LYST: variants seen among roughly 807,000 people sequenced by gnomAD.
LYST encodes lysosomal trafficking regulator.
LYST carries 192 observed loss-of-function variants against 413.6 expected under a neutral mutation model. The observed-to-expected ratio is 0.46, with a 90% CI of 0.41 to 0.52. LYST has a LOEUF of 0.52. Among genes scored for constraint, LYST ranks in the 20% least tolerant of loss-of-function variants. The probability of loss-of-function intolerance (pLI) is 0.00; values close to 1 mark genes in which losing one functional copy is unlikely to be tolerated. For synonymous variants in LYST, 1,525 were observed against 1,567.3 expected, an observed-to-expected ratio of 0.97 and a Z score of 0.64; for missense variants, 3,815 against 4,499.9, an observed-to-expected ratio of 0.85 and a Z score of 4.35.
chr1:235,864,204 C>T (rs973441790), intron 1 of LYST, among the ~76,000 whole-genome samples: 3 of 152,076 alleles, frequency 2.0e-5, no homozygotes, highest in Non-Finnish European at 4.4e-5. Context: ...ACTGCAGGGC[C>T]CCACTGCAGA....
At chr1:235,855,854 TC>T (rs1184429506) in intron 1 of LYST, among the ~76,000 whole-genome samples, 2 of 151,968 alleles carry the variant, frequency 1.3e-5, no homozygotes, top group African/African-American at 4.8e-5. Flanking sequence ...AAAATTAGCT[TC>T]CCTTCAAAAG....
intron 12 of LYST, 173 bp downstream of exon 12, chr1:235,791,526 G>A: frequency 1.5e-6 from 1 of 645,290 alleles, no homozygotes; most frequent in East Asian, 2.8e-5. Flanking sequence ...GAGATTCAAG[G>A]CTTTATGACA....
chr1:235,729,951 A>G (rs1664217513), intron 36 of LYST, among the ~76,000 whole-genome samples: 1 of 152,120 alleles, frequency 6.6e-6, no homozygotes, highest in Non-Finnish European at 1.5e-5. Context: ...CTAATAAATA[A>G]GCAAACATTG....
intron 1 of LYST, among the ~76,000 whole-genome samples, chr1:235,857,237 A>G (rs1481071565): frequency 6.6e-6 from 1 of 152,198 alleles, no homozygotes; most frequent in Non-Finnish European, 1.5e-5. Flanking sequence ...ATAAGTAACC[A>G]GAGAAGCTAT....
chr1:235,826,250 A>T (rs1361683932), intron 3 of LYST, among the ~76,000 whole-genome samples: 1 of 152,226 alleles, frequency 6.6e-6, no homozygotes, highest in Non-Finnish European at 1.5e-5. Context: ...TTAAACAAAC[A>T]TTACCCTTTG....
intron 1 of LYST, among the ~76,000 whole-genome samples, chr1:235,840,419 G>A (rs1201178427): frequency 6.6e-6 from 1 of 152,186 alleles, no homozygotes; most frequent in Non-Finnish European, 1.5e-5. Context: ...GGAGGGAGTG[G>A]CTGGCAAAGA....
In LYST at chr1:235,731,043, TGTCTATCCCTAAG is replaced by T; in HGVS notation, c.8923_8935del (p.Leu2975ArgfsTer36). On this transcript the variant is annotated frameshift_variant, in exon 35 of 53. Coordinates refer to ENST00000389793, the MANE Select transcript of LYST (RefSeq NM_000081.4). LOFTEE classifies it high-confidence loss of function. ...GAAGCCACTATTACCTTCTGATTTC[TGTCTATCCCTAAG>T]GAGATACTTATTTGGAATAGTTAAA... 6.2e-7 allele frequency: 1 copy of T among 1,613,586 alleles called. No homozygotes were observed. The highest frequency in any genetic ancestry group is 8.5e-7 in the Non-Finnish European group (1 of 1,179,490).
intron 22 of LYST, 58 bp downstream of exon 22, chr1:235,762,662 T>C: frequency 6.5e-7 from 1 of 1,528,648 alleles, no homozygotes; most frequent in Middle Eastern, 1.7e-4. Context: ...AATTTAATTA[T>C]CTAAGAATAT....
At chr1:235,704,133 C>T (rs1661769957) in intron 44 of LYST, among the ~76,000 whole-genome samples, 1 of 152,182 alleles carries the variant, frequency 6.6e-6, no homozygotes, top group South Asian at 2.1e-4. Context: ...ATATATACCA[C>T]ATTTTCTTTA....
At chr1:235,790,227 G>A (rs1266871513) in intron 12 of LYST, among the ~76,000 whole-genome samples, 3 of 152,144 alleles carry the variant, frequency 2.0e-5, no homozygotes, top group Admixed American at 6.5e-5. Flanking sequence ...ATTAAAACAT[G>A]AGAAAGCAAT....
In LYST at chr1:235,806,080, T is replaced by C; in HGVS notation, c.3056A>G (p.Asn1019Ser). 6.2e-7 allele frequency: 1 copy of C among 1,613,794 alleles called. No homozygotes were observed. Among genetic ancestry groups the C allele is most frequent in the Non-Finnish European group, 8.5e-7 (1 of 1,179,816 alleles). ...AATTCTGTTTAAATCCTGGTTTTCA[T>C]TTACACTTGTATCTCCCTCCTTTTT... ...QGKKEGDTSV[N>S]ENQDLNRISQ... The change falls in exon 6 of 53, where the codon AAT becomes AGT. Residue 1019 changes from asparagine to serine, a missense_variant. By Grantham distance (46) the Asn-to-Ser change is conservative. Transcript: ENST00000389793.
chr1:235,732,208 A>G (rs1385921368), intron 34 of LYST, among the ~76,000 whole-genome samples: 2 of 152,234 alleles, frequency 1.3e-5, no homozygotes, highest in African/African-American at 2.4e-5. Flanking sequence ...AGGTAGATGC[A>G]TTGTAATGTA....
rs752402013 is a variant in LYST at position 235,775,028 on chromosome 1, G to A, written c.5519C>T (p.Ser1840Leu). 16 of 1,611,230 alleles carry A rather than the reference G, an allele frequency of 9.9e-6. No homozygotes were observed. In the East Asian group the frequency reaches 2.5e-4, roughly 25 times the overall value. ...TCTTTGTTGGTTGTATTTAATTAATGAGAGTATAACTCGCAGTGCTAATGC... is the reference window on the plus strand; with the variant it reads ...TCTTTGTTGGTTGTATTTAATTAATAAGAGTATAACTCGCAGTGCTAATGC... ...TQALALRVIL[S>L]LIKYNQQRVH... The change falls in exon 18 of 53, where the codon TCA becomes TTA. Residue 1840 changes from serine to leucine, a missense_variant. This residue lies in a region of LYST where 530 missense variants were observed against 696.5 expected (regional missense o/e 0.76). Transcript: ENST00000389793.
At chr1:235,781,417 T>C (rs879709112) in intron 15 of LYST, among the ~76,000 whole-genome samples, 1 of 152,164 alleles carries the variant, frequency 6.6e-6, no homozygotes, top group Admixed American at 6.5e-5. Context: ...TTTGAATCAA[T>C]ATCTTTATTC....
chr1:235,853,015 C>T (rs1331850293), intron 1 of LYST: 2 of 170,512 alleles, frequency 1.2e-5, no homozygotes, highest in East Asian at 1.9e-4. Context: ...TGTAACTAGA[C>T]GGTTTTCTGT....
At position 235,731,131 on chromosome 1, in the gene LYST, C is replaced by T. The variant is rs563890545; in HGVS notation, c.8848G>A (p.Asp2950Asn). 6.2e-7 allele frequency: 1 copy of T among 1,613,910 alleles called. No homozygotes were observed. The highest frequency in any genetic ancestry group is 2.2e-5 in the East Asian group (1 of 44,868). The change falls in exon 35 of 53, where the codon GAT (aspartate) becomes AAT (asparagine). Residue 2950 changes from aspartate (D) to asparagine (N), a missense_variant. Asp to Asn is a conservative substitution (Grantham distance 23). This residue lies in a region of LYST where 866 missense variants were observed against 1,156.0 expected (regional missense o/e 0.75). Transcript: ENST00000389793. ...TCTCGATTTGGCCCTTCTGTTGGAT[C>T]CAACTGCCATGAGGTTGGATAGTAG... ...PIYYPTSWQL[D>N]PTEGPNRERR... is the part of the protein sequence containing the mutation.
At chr1:235,663,497 AT>A (rs1475427793) in intron 52 of LYST, among the ~76,000 whole-genome samples, 1 of 152,360 alleles carries the variant, frequency 6.6e-6, no homozygotes, top group Non-Finnish European at 1.5e-5. Flanking sequence ...AAGGAAAAAA[AT>A]GTAACATTAG....
chr1:235,862,806 A>AACACAC (rs57043954), intron 1 of LYST, among the ~76,000 whole-genome samples: 142 of 121,514 alleles, frequency 1.2e-3, no homozygotes, highest in Middle Eastern at 4.2e-3. Context: ...AAAACAAACA[A>AACACAC]ACACACACAC....
At chr1:235,741,736 T>C (rs932190600) in intron 30 of LYST, 108 bp from the exon 31 acceptor site, 14 of 829,254 alleles carry the variant, frequency 1.7e-5, no homozygotes, top group African/African-American at 3.4e-5. Context: ...TTATTCCAGA[T>C]TGGTTTTAAT....
Sources: allele counts gnomAD v4.1 joint callset (sites outside exome capture counted in the v4.1 genomes callset), GRCh38; gene constraint gnomAD v4.1.1; regional missense constraint gnomAD v4.1.1; transcripts MANE v1.5; gene names NCBI Gene and HGNC (gene_info 2026-07-23, HGNC 2026-07-21).